CFAP20DC: variants seen among roughly 807,000 people sequenced by gnomAD.
The protein encoded by CFAP20DC is CFAP20 domain containing, also known as protein CFAP20DC.
Under a neutral mutation model 101.7 loss-of-function variants are expected in CFAP20DC, and 84 were observed. That is an observed-to-expected ratio of 0.83 (90% confidence interval 0.69 to 0.99). CFAP20DC has a LOEUF of 0.99. CFAP20DC is among the 50% of genes least tolerant of loss of function. The pLI, the probability that CFAP20DC is intolerant of heterozygous loss-of-function variation, is 0.00. For missense variants in CFAP20DC, 1,007 were observed against 970.3 expected (o/e 1.04, Z -0.50); for synonymous variants, 359 against 351.2 (o/e 1.02, Z -0.25).
chr3:58,971,716 A>G lies in CFAP20DC; in HGVS notation c.279-33954T>C, dbSNP rs1017582810. Among the ~76,000 whole-genome samples, 3 of 152,164 alleles carry G rather than the reference A, an allele frequency of 2.0e-5. No homozygotes were observed. Among genetic ancestry groups the G allele is most frequent in the African/African-American group, 7.2e-5 (3 of 41,454 alleles). ...TGGTATATATAGCGCTATTAAAAAG[A>G]GTGAGACAGATTTAGTAGTATGGAA... On this transcript the variant is annotated intron_variant, in intron 4 of 16. Coordinates refer to ENST00000482387, the MANE Select transcript of CFAP20DC (RefSeq NM_001394063.1). The surrounding 1 kb of genome is among the most constrained non-coding windows in gnomAD (Gnocchi z 4.1).
chr3:59,042,116 C>T (rs1002836307), intron 3 of CFAP20DC, among the ~76,000 whole-genome samples: 1 of 151,996 alleles, frequency 6.6e-6, no homozygotes, highest in Non-Finnish European at 1.5e-5. Context: ...TGAAACTCAG[C>T]TGGGATGAAT....
At chr3:58,856,709 C>G (rs2078863419) in intron 12 of CFAP20DC, among the ~76,000 whole-genome samples, 1 of 151,992 alleles carries the variant, frequency 6.6e-6, no homozygotes. Flanking sequence ...AGAATAAAAG[C>G]TTAGTCTTTG....
At chr3:58,844,051 G>T (rs1484738058) in intron 13 of CFAP20DC, among the ~76,000 whole-genome samples, 1 of 98,822 alleles carries the variant, frequency 1.0e-5, no homozygotes, top group African/African-American at 4.2e-5. Context: ...ACCAGCCGCT[G>T]CAAAATCATG....
chr3:58,987,124 T>C (rs2092779610), intron 4 of CFAP20DC, among the ~76,000 whole-genome samples: 1 of 152,046 alleles, frequency 6.6e-6, no homozygotes, highest in South Asian at 2.1e-4. Context: ...TTACTCAGAA[T>C]GGAACACAGA....
chr3:58,735,037 A>G (rs532623780), intron 3 of CFAP20DC, among the ~76,000 whole-genome samples: 2 of 152,280 alleles, frequency 1.3e-5, no homozygotes, highest in South Asian at 2.1e-4. Flanking sequence ...CTATAAATGG[A>G]AAGACTCCAA....
At chr3:58,860,814 T>C (rs2079186713) in intron 12 of CFAP20DC, among the ~76,000 whole-genome samples, 1 of 152,186 alleles carries the variant, frequency 6.6e-6, no homozygotes, top group Non-Finnish European at 1.5e-5. Context: ...AGCACTCTAT[T>C]TTAATAGCTT....
intron 3 of CFAP20DC, chr3:58,734,329 C>G: frequency 3.6e-6 from 1 of 275,986 alleles, no homozygotes. Flanking sequence ...TGCACTAACA[C>G]AGTATGTATG....
chr3:58,761,056 A>T (rs868489378), intron 15 of CFAP20DC, among the ~76,000 whole-genome samples: 4 of 152,174 alleles, frequency 2.6e-5, no homozygotes, highest in South Asian at 2.1e-4. Context: ...TCATAAAATG[A>T]GTTAGGGAGG....
At chr3:58,834,991 G>A (rs769687720) in intron 13 of CFAP20DC, among the ~76,000 whole-genome samples, 25 of 152,014 alleles carry the variant, frequency 1.6e-4, no homozygotes, top group Non-Finnish European at 3.1e-4. Context: ...GTTGTCTTTG[G>A]TACACACTTT....
chr3:58,742,488 T>G lies in CFAP20DC; in HGVS notation c.2417A>C (p.Gln806Pro). 6.2e-7 allele frequency: 1 copy of G among 1,607,046 alleles called. No individual in the cohort carries two copies. The highest frequency in any genetic ancestry group is 8.5e-7 in the Non-Finnish European group (1 of 1,176,544). Reference sequence around the variant, plus strand: ...TACCAACTCATAGTATTTCCCTGTTTGGGGGTCAAAGTAACAGTTCAGACA... The same window carrying G: ...TACCAACTCATAGTATTTCCCTGTTGGGGGGTCAAAGTAACAGTTCAGACA... The part of the protein sequence containing the change: ...DPCLNCYFDP[Q>P]TGKYYELV Residue 806 changes from glutamine (Q) to proline (P), a missense_variant, in exon 17 of 17, where the codon CAA becomes CCA. Physicochemically the swap from Gln to Pro is moderately conservative, Grantham distance 76 (BLOSUM62 -1). Coordinates refer to ENST00000482387, the MANE Select transcript of CFAP20DC (RefSeq NM_001394063.1).
Position 58,753,806 on chromosome 3 carries a change from C to T in CFAP20DC, c.2295G>A (p.Glu765=), listed in dbSNP as rs766035450. The T allele has an allele frequency of 1.2e-6, 2 of 1,612,938 alleles. No individual in the cohort carries two copies. Among genetic ancestry groups the T allele is most frequent in the South Asian group, 2.2e-5 (2 of 90,898 alleles). The change falls in exon 16 of 17, where the codon GAG becomes GAA. Residue 765 remains glutamate (E), a synonymous_variant. Transcript: ENST00000482387. ...AACTTTCACAGGAATCTGGACGCTG[C>T]TCAGCCGGCTGTTGACTGGGAGGAA... is the stretch of plus-strand genomic sequence containing the variant. The part of the protein sequence containing the change: ...PIVPPSQQPA[E]QRPDSCESLS...
At chr3:58,854,977 T>G (rs1398923062) in intron 12 of CFAP20DC, among the ~76,000 whole-genome samples, 1 of 144,840 alleles carries the variant, frequency 6.9e-6, no homozygotes, top group Non-Finnish European at 1.5e-5. Flanking sequence ...AAAGCCAAAA[T>G]TGACAAATGG....
chr3:58,967,638 T>C (rs2091663388), intron 4 of CFAP20DC, among the ~76,000 whole-genome samples: 1 of 152,190 alleles, frequency 6.6e-6, no homozygotes, highest in African/African-American at 2.4e-5. Flanking sequence ...ATAGAATAGA[T>C]TTAAAAACTC....
rs542676737 is a variant in CFAP20DC at position 58,994,261 on chromosome 3, G to T, written c.278+45296C>A. On this transcript the variant is annotated intron_variant, in intron 4 of 16. Transcript: ENST00000482387. ...ACAAAATTCCAAGTCAATGGACTTT[G>T]CATTTTCTTAAAGCCTGCAGTGCTC... Among the ~76,000 whole-genome samples, 12 of 152,300 alleles carry T rather than the reference G, an allele frequency of 7.9e-5. 1 individual carries two copies. In the South Asian group the frequency reaches 2.3e-3, roughly 29 times the overall value.
chr3:59,033,981 A>T (rs994904875), intron 4 of CFAP20DC, among the ~76,000 whole-genome samples: 1 of 152,262 alleles, frequency 6.6e-6, no homozygotes, highest in Admixed American at 6.5e-5. Flanking sequence ...AGGGAAGCCC[A>T]TCAGACTAAC....
At chr3:58,855,270 C>G (rs534312061) in intron 12 of CFAP20DC, among the ~76,000 whole-genome samples, 21 of 152,178 alleles carry the variant, frequency 1.4e-4, no homozygotes, top group Middle Eastern at 3.4e-3. Context: ...AGAAATGCAA[C>G]TCAGAACCAC....
intron 4 of CFAP20DC, among the ~76,000 whole-genome samples, chr3:58,985,547 A>G (rs1201271746): frequency 6.6e-6 from 1 of 152,184 alleles, no homozygotes; most frequent in Non-Finnish European, 1.5e-5. Flanking sequence ...AGATCCATCT[A>G]TCATCACTTC....
intron 16 of CFAP20DC, among the ~76,000 whole-genome samples, chr3:58,743,716 AGGGAGGAT>A (rs1230930488): frequency 6.6e-6 from 1 of 152,178 alleles, no homozygotes; most frequent in Admixed American, 6.5e-5. Flanking sequence ...GCCTAGAGGA[AGGGAGGAT>A]GGTGGTGGTG....
At chr3:58,796,765 C>T (rs377298472) in intron 15 of CFAP20DC, among the ~76,000 whole-genome samples, 68 of 152,240 alleles carry the variant, frequency 4.5e-4, no homozygotes, top group African/African-American at 1.1e-3. Flanking sequence ...CTGTGTTGAG[C>T]GAGTTTATCA....
Sources: gnomAD v4.1 joint callset for allele counts (sites outside exome capture counted in the v4.1 genomes callset) on GRCh38, gnomAD v4.1.1 for gene constraint, Gnocchi (gnomAD v3.1) non-coding constraint, MANE v1.5 for transcripts, NCBI Gene and HGNC (gene_info 2026-07-23, HGNC 2026-07-21) for gene names.